The following TTLL12 variants were observed in gnomAD, a reference collection of about 807,000 sequenced individuals.
TTLL12 encodes tubulin tyrosine ligase like 12.
In TTLL12, 77 loss-of-function variants were observed where a neutral mutation model predicts 79.6. The observed-to-expected ratio is 0.97, with a 90% CI of 0.81 to 1.17. The LOEUF (loss-of-function observed/expected upper bound fraction) is 1.17. Among genes scored for constraint, TTLL12 ranks in the 50% most tolerant of loss-of-function variants. The pLI is 0.00. For missense variants in TTLL12, 969 were observed against 895.9 expected, an observed-to-expected ratio of 1.08 and a Z score of -1.04; for synonymous variants, 437 against 376.1, an observed-to-expected ratio of 1.16 and a Z score of -1.87.
chr22:43,181,951 G>A (rs1242391629), intron 2 of TTLL12, among the ~76,000 whole-genome samples: 2 of 150,630 alleles, frequency 1.3e-5, no homozygotes, highest in Admixed American at 6.6e-5. Context: ...TGGGGATGAG[G>A]ATGGAGAGCT....
chr22:43,171,809 C>G lies in TTLL12; in HGVS notation c.1575+10G>C. 1 of 1,613,594 alleles carries G rather than the reference C, an allele frequency of 6.2e-7. No individual in the cohort carries two copies. ...GTGTGAACCTGCTCTGCACCTCCCT[C>G]AGGCCCTACCTGCTTCAGCACCACA... On this transcript the variant is annotated intron_variant, in intron 11 of 13. Coordinates refer to ENST00000216129, the MANE Select transcript of TTLL12 (RefSeq NM_015140.4).
Position 43,168,037 on chromosome 22 carries a change from C to T in TTLL12, c.1906G>A (p.Gly636Ser), listed in dbSNP as rs754706706. 1.8e-5 allele frequency: 29 copies of T among 1,613,892 alleles called. No homozygotes were observed. The highest frequency in any genetic ancestry group is 1.2e-4 in the African/African-American group (9 of 74,920). Residue 636 changes from glycine to serine, a missense_variant, in exon 14 of 14, where the codon GGT becomes AGT. Gly to Ser is a moderately conservative substitution (Grantham distance 56). Transcript: ENST00000216129. ...ACAAGGCAGGTAACGTGGCAGCCAC[C>T]GGGCTGGTCCAGAAACAAGGTGCTG... ...VFSTLFLDQP[G>S]GCHVTCLV
rs141200040 is a variant in TTLL12 at position 43,174,295 on chromosome 22, G to A, written c.1143C>T (p.Pro381=). ...LASIARRAGG[P]EGPPWLPRTF... ...TTCGGGGCAGCCAGGGTGGGCCCTCGGGGCCACCTGCCCGGCGCGCGATGG... is the reference window on the plus strand; with the variant it reads ...TTCGGGGCAGCCAGGGTGGGCCCTCAGGGCCACCTGCCCGGCGCGCGATGG... Residue 381 remains proline, a synonymous_variant, in exon 8 of 14, where the codon CCC becomes CCT. Transcript: ENST00000216129. The A allele has an allele frequency of 4.4e-4, 706 of 1,610,994 alleles. 3 individuals carry two copies. The African/African-American group carries it at 8.3e-3, about 19-fold the overall frequency.
At chr22:43,181,770 CAGG>C (rs1480119003) in intron 2 of TTLL12, among the ~76,000 whole-genome samples, 1 of 152,192 alleles carries the variant, frequency 6.6e-6, no homozygotes, top group Non-Finnish European at 1.5e-5. Flanking sequence ...GGGGCAAGTT[CAGG>C]AGTATTTATC....
chr22:43,168,240 G>A, intron 13 of TTLL12, 81 bp from the exon 14 acceptor site: 1 of 1,547,560 alleles, frequency 6.5e-7, no homozygotes, highest in Non-Finnish European at 8.8e-7. Flanking sequence ...ATCCAGCAAA[G>A]GCTGGGAGGC....
intron 5 of TTLL12, among the ~76,000 whole-genome samples, chr22:43,177,036 C>T (rs947750959): frequency 1.3e-5 from 2 of 152,138 alleles, no homozygotes; most frequent in South Asian, 2.1e-4. Context: ...CTAGGAGCCA[C>T]GAGGGCTGTC....
intron 1 of TTLL12, among the ~76,000 whole-genome samples, chr22:43,186,191 C>CG (rs1555982107): frequency 1.5e-5 from 2 of 131,028 alleles, no homozygotes; most frequent in South Asian, 2.9e-4. Flanking sequence ...AAGAAAACAC[C>CG]CCCCCCCCCG....
At position 43,180,812 on chromosome 22, in the gene TTLL12, C is replaced by A. The variant is rs963494325; in HGVS notation, c.476G>T (p.Ser159Ile). ...CAGCACCAGGGCCACAGCCTCTGTA[C>A]TGGGCAGCTCACCGTGGAACTCAAT... is the stretch of plus-strand genomic sequence containing the variant. ...MGIEFHGELP[S>I]TEAVALVLEE... is the part of the protein sequence containing the mutation. The change falls in exon 3 of 14, where the codon AGT (serine) becomes ATT (isoleucine). Residue 159 changes from serine (S) to isoleucine (I), a missense_variant. Ser to Ile is a moderately radical substitution (Grantham distance 142). Coordinates refer to ENST00000216129, the MANE Select transcript of TTLL12 (RefSeq NM_015140.4). 1 of 1,613,208 alleles carries A rather than the reference C, an allele frequency of 6.2e-7. No homozygotes were observed. Among genetic ancestry groups the A allele is most frequent in the Non-Finnish European group, 8.5e-7 (1 of 1,179,988 alleles).
rs953329985 is a variant in TTLL12, at chr22:43,174,446, C to T, written c.1035-43G>A. 5.1e-6 allele frequency: 8 copies of T among 1,567,724 alleles called. No homozygotes were observed. The African/African-American group carries it at 9.5e-5, about 19-fold the overall frequency. On this transcript the variant is annotated intron_variant, in intron 7 of 13. Transcript: ENST00000216129. ...GTGCGCCAGCTCAAGGGGAGGCCGG[C>T]AGTGCCTAGAAGCCCTGACTGGGAG...
intron 1 of TTLL12, among the ~76,000 whole-genome samples, chr22:43,183,734 C>A (rs909887310): frequency 6.6e-6 from 1 of 152,218 alleles, no homozygotes; most frequent in Non-Finnish European, 1.5e-5. Flanking sequence ...CTGCCTTGTG[C>A]GGCTAGTCAA....
chr22:43,168,256 A>G, intron 13 of TTLL12, 97 bp from the exon 14 acceptor site: 5 of 1,504,108 alleles, frequency 3.3e-6, no homozygotes, highest in Non-Finnish European at 4.5e-6. Flanking sequence ...GAGGCCATGA[A>G]CCTGGGCCCT....
chr22:43,187,126 G>T lies in TTLL12; in HGVS notation c.-57C>A, dbSNP rs1348925402. The T allele has an allele frequency of 2.1e-6, 2 of 966,082 alleles. No individual in the cohort carries two copies. Among genetic ancestry groups the T allele is most frequent in the Non-Finnish European group, 2.5e-6 (2 of 813,312 alleles). 59.8% of individuals were successfully genotyped at this position (966,082 alleles called of 1,614,324 possible). A position where few individuals can be genotyped will look rare whatever the true frequency, so the allele number is the denominator to read the frequency against. ...CCACCGCCGCCGCCGCCCGCCGTCC[G>T]TCGGCCCTGCCCTCCCGCCTCCGCC... On this transcript the variant is annotated 5_prime_UTR_variant, in exon 1 of 14. Transcript: ENST00000216129.
At chr22:43,179,239 C>A (rs1291497226) in intron 5 of TTLL12, among the ~76,000 whole-genome samples, 1 of 152,150 alleles carries the variant, frequency 6.6e-6, no homozygotes, top group East Asian at 1.9e-4. Context: ...CGCAGGCCTG[C>A]AGAGGGAGGG....
chr22:43,169,919 C>T (rs1273275713), intron 11 of TTLL12: 1 of 465,830 alleles, frequency 2.1e-6, no homozygotes, highest in South Asian at 1.5e-5. Context: ...GGGCTGGCAC[C>T]ATCCTCACAC....
At position 43,167,904 on chromosome 22, in the gene TTLL12, C is replaced by T. The variant is rs1931659089; in HGVS notation, c.*104G>A. The T allele has an allele frequency of 6.9e-7, 1 of 1,456,944 alleles. No individual in the cohort carries two copies. The highest frequency in any genetic ancestry group is 9.4e-7 in the Non-Finnish European group (1 of 1,068,568). The allele number at this position is 1,456,944 out of a possible 1,614,324, so 90.3% of individuals were successfully genotyped here. ...ACAGAGGCCTGGGGCTGAGGCTATG[C>T]CCAGGGCCGGTGTGGGGAGGGACAT... is the stretch of plus-strand genomic sequence containing the variant. On this transcript the variant is annotated 3_prime_UTR_variant, in exon 14 of 14. Coordinates refer to ENST00000216129, the MANE Select transcript of TTLL12 (RefSeq NM_015140.4).
chr22:43,183,060 C>T lies in TTLL12; in HGVS notation c.267G>A (p.Gln89=). ...EDEAAREVRK[Q]QPNPGNELCY... ...ACAGCTCGTTCCCCGGGTTGGGCTG[C>T]TGCTTCCGCACCTCCCGGGCTGCCT... The change falls in exon 2 of 14, where the codon CAG becomes CAA. Residue 89 remains glutamine, a synonymous_variant. Coordinates refer to ENST00000216129, the MANE Select transcript of TTLL12 (RefSeq NM_015140.4). The T allele has an allele frequency of 1.2e-6, 2 of 1,614,064 alleles. No individual in the cohort carries two copies. Among genetic ancestry groups the T allele is most frequent in the Non-Finnish European group, 1.7e-6 (2 of 1,180,016 alleles).
rs538558581 is a variant in TTLL12 at position 43,179,930 on chromosome 22, A to C, written c.617T>G (p.Val206Gly). ...GAAGGGTGCCGTGGCGAAGCTGGGC[A>C]CGTCCGCGTGCTGGATCCGCGAACC... The part of the protein sequence containing the change: ...EFGSRIQHAD[V>G]PSFATAPFFY... Residue 206 changes from valine (V) to glycine (G), a missense_variant, in exon 4 of 14, where the codon GTG (valine) becomes GGG (glycine). Coordinates refer to ENST00000216129, the MANE Select transcript of TTLL12 (RefSeq NM_015140.4). 12 of 1,611,062 alleles carry C rather than the reference A, an allele frequency of 7.4e-6. No individual in the cohort carries two copies. Among genetic ancestry groups the C allele is most frequent in the Admixed American group, 3.3e-5 (2 of 59,986 alleles).
chr22:43,180,298 G>A (rs551680701), intron 3 of TTLL12, among the ~76,000 whole-genome samples: 219 of 152,290 alleles, frequency 1.4e-3, no homozygotes, highest in South Asian at 7.2e-3. Context: ...GTAATGGGGG[G>A]GTCGGGGGAG....
rs1484569927 is a variant in TTLL12, at chr22:43,167,375, A to C, written c.*633T>G. 1.6e-5 allele frequency: 5 copies of C among 312,568 alleles called. No homozygotes were observed. Among genetic ancestry groups the C allele is most frequent in the Non-Finnish European group, 2.6e-5 (4 of 156,042 alleles). 19.4% of individuals were successfully genotyped at this position (312,568 alleles called of 1,614,324 possible). On this transcript the variant is annotated 3_prime_UTR_variant, in exon 14 of 14. Coordinates refer to ENST00000216129, the MANE Select transcript of TTLL12 (RefSeq NM_015140.4). ...GACGGTGGCCTCCTGCCAGGACCTC[A>C]GCAGGAGGTTTGCTGGTGAAGGTTC...
Sources: allele counts gnomAD v4.1 joint callset (sites outside exome capture counted in the v4.1 genomes callset), GRCh38; gene constraint gnomAD v4.1.1; transcripts MANE v1.5; gene names NCBI Gene and HGNC (gene_info 2026-07-23, HGNC 2026-07-21).